RNF213: variants seen among roughly 807,000 people sequenced by gnomAD.
The protein encoded by RNF213 is E3 ubiquitin-protein ligase RNF213.
In RNF213, 341 loss-of-function variants were observed where a neutral mutation model predicts 514.4. That is an observed-to-expected ratio of 0.66 (90% CI 0.61 to 0.73). The LOEUF is 0.73. Among genes scored for constraint, RNF213 ranks in the 30% least tolerant of loss-of-function variants. The pLI, the probability that RNF213 is intolerant of heterozygous loss-of-function variation, is 0.00. For missense variants in RNF213, 5,767 were observed against 6,615.6 expected, an observed-to-expected ratio of 0.87 and a Z score of 4.45; for synonymous variants, 2,655 against 2,658.2, an observed-to-expected ratio of 1.00 and a Z score of 0.04.
At chr17:80,367,595 A>G (rs1055170375) in intron 42 of RNF213, among the ~76,000 whole-genome samples, 153 bp from the exon 43 acceptor site, 3 of 152,216 alleles carry the variant, frequency 2.0e-5, no homozygotes, top group Non-Finnish European at 4.4e-5. Flanking sequence ...TTCAGAGTTC[A>G]AGCGTTAAAC....
intron 30 of RNF213, 67 bp downstream of exon 30, chr17:80,349,973 C>T (rs540666647): frequency 1.6e-5 from 25 of 1,572,962 alleles, no homozygotes; most frequent in African/African-American, 1.3e-4. Context: ...TTCTGCGTGG[C>T]GATGGTACCC....
At chr17:80,312,001 A>C (rs1483634269) in intron 14 of RNF213, among the ~76,000 whole-genome samples, 1 of 152,074 alleles carries the variant, frequency 6.6e-6, no homozygotes, top group Non-Finnish European at 1.5e-5. Flanking sequence ...GGTGGCATGC[A>C]CTTGTAATCC....
Position 80,364,461 on chromosome 17 carries a change from G to A in RNF213, c.11779G>A (p.Ala3927Thr), listed in dbSNP as rs777402744. The part of the protein sequence containing the change: ...RAQWSRIFST[A>T]LFVEHVLLGT... ...CCAGTGGAGTCGGATTTTCTCCACCGCACTCTTCGTGGAGCACGTGCTCCT... is the reference window on the plus strand; with the variant it reads ...CCAGTGGAGTCGGATTTTCTCCACCACACTCTTCGTGGAGCACGTGCTCCT... Residue 3927 changes from alanine to threonine, a missense_variant, in exon 42 of 68, where the codon GCA becomes ACA. Physicochemically the swap from Ala to Thr is moderately conservative, Grantham distance 58. This residue lies in a region of RNF213 where 355 missense variants were observed against 358.0 expected (regional missense o/e 0.99). Transcript: ENST00000582970. 2 of 1,614,062 alleles carry A rather than the reference G, an allele frequency of 1.2e-6. No homozygotes were observed. Among genetic ancestry groups the A allele is most frequent in the Non-Finnish European group, 1.7e-6 (2 of 1,179,980 alleles).
At position 80,369,355 on chromosome 17, in the gene RNF213, G is replaced by A. The variant is rs1013661256; in HGVS notation, c.12156-147G>A. The A allele has an allele frequency of 4.9e-5, 39 of 800,972 alleles. 1 individual carries two copies. The highest frequency in any genetic ancestry group is 4.0e-4 in the South Asian group (29 of 72,740). 49.6% of individuals were successfully genotyped at this position (800,972 alleles called of 1,614,324 possible). A position where few individuals can be genotyped will look rare whatever the true frequency, so the allele number is the denominator to read the frequency against. On this transcript the variant is annotated intron_variant, in intron 44 of 67. Transcript: ENST00000582970. ...GGAGGTTGCAGTGAGCGGAGATCGCGCCACTGTACTCCAGCCTGGGCAACA... is the reference window on the plus strand; with the variant it reads ...GGAGGTTGCAGTGAGCGGAGATCGCACCACTGTACTCCAGCCTGGGCAACA...
intron 7 of RNF213, 85 bp downstream of exon 7, chr17:80,290,813 GT>G (rs377123027): frequency 7.9e-3 from 10,055 of 1,268,494 alleles, no homozygotes; most frequent in Middle Eastern, 9.6e-3. Context: ...AAAAAATTTT[GT>G]TTTTTTTTTT....
intron 15 of RNF213, among the ~76,000 whole-genome samples, chr17:80,314,035 T>TGGTGGTGGAGGTACTGGA (rs2045715620): frequency 1.7e-5 from 1 of 60,574 alleles, no homozygotes; most frequent in Non-Finnish European, 3.1e-5. Context: ...GTGGTGGTGG[T>TGGTGGTGGAGGTACTGGA]GGTGATGGTG....
intron 46 of RNF213, chr17:80,371,633 AAGAC>A (rs1158342797): frequency 5.6e-6 from 2 of 355,940 alleles, no homozygotes; most frequent in African/African-American, 4.2e-5. Context: ...CTCAATTTTT[AAGAC>A]TATAAAGGGG....
intron 3 of RNF213, among the ~76,000 whole-genome samples, chr17:80,286,693 G>A (rs1329305046): frequency 2.0e-5 from 3 of 152,146 alleles, no homozygotes; most frequent in African/African-American, 7.2e-5. Context: ...GGTGGGGGGC[G>A]TGGAGTGGGC....
intron 52 of RNF213, 115 bp from the exon 53 acceptor site, chr17:80,376,767 A>G: frequency 8.8e-7 from 1 of 1,131,202 alleles, no homozygotes; most frequent in Non-Finnish European, 1.3e-6. Context: ...CAGCTTGAGA[A>G]GTCCAGCAGA....
chr17:80,364,283 G>A, intron 41 of RNF213, 150 bp from the exon 42 acceptor site: 1 of 1,042,100 alleles, frequency 9.6e-7, no homozygotes, highest in Non-Finnish European at 1.5e-6. Flanking sequence ...GGCGGGCCAG[G>A]AAGTATGTCA....
Position 80,263,378 on chromosome 17 carries a change from C to T in RNF213, c.-108-196C>T, listed in dbSNP as rs1194019612. ...CGCCTGCCTGGAGCATCCCCTATCC[C>T]CACCCAGCCCAACCCATGTTCTCAG... On this transcript the variant is annotated intron_variant, in intron 1 of 67. Coordinates refer to ENST00000582970, the MANE Select transcript of RNF213 (RefSeq NM_001256071.3). The surrounding 1 kb of genome is among the most constrained non-coding windows in gnomAD (Gnocchi z 4.9). Among the ~76,000 whole-genome samples the T allele has an allele frequency of 6.6e-6, 1 of 152,192 alleles. No homozygotes were observed. Among genetic ancestry groups the T allele is most frequent in the Non-Finnish European group, 1.5e-5 (1 of 68,030 alleles).
intron 16 of RNF213, among the ~76,000 whole-genome samples, chr17:80,318,908 A>C (rs1218243702): frequency 6.6e-6 from 1 of 152,208 alleles, no homozygotes; most frequent in African/African-American, 2.4e-5. Flanking sequence ...TAAAGGGAAA[A>C]GTCAGAAACA....
intron 44 of RNF213, among the ~76,000 whole-genome samples, chr17:80,368,897 T>TC (rs539706707): frequency 1.3e-5 from 2 of 151,878 alleles, no homozygotes; most frequent in Admixed American, 6.6e-5. Context: ...TCCTTCCCCT[T>TC]CCCCCCTTCT....
At position 80,334,156 on chromosome 17, in the gene RNF213, G is replaced by A. The variant is rs2077916310; in HGVS notation, c.4195G>A (p.Glu1399Lys). The A allele has an allele frequency of 9.1e-6, 14 of 1,537,094 alleles. No individual in the cohort carries two copies. The highest frequency in any genetic ancestry group is 1.2e-5 in the Non-Finnish European group (14 of 1,146,910). Residue 1399 changes from glutamate to lysine, a missense_variant, in exon 22 of 68, where the codon GAG becomes AAG. Physicochemically the swap from Glu to Lys is moderately conservative, Grantham distance 56. This residue lies in a region of RNF213 where 516 missense variants were observed against 566.5 expected (regional missense o/e 0.91). Transcript: ENST00000582970. ...TGAAACACTGGACCAGATCAACCAG[G>A]AGCTCATCCAGGCCAAAAAGCTGCT... ...RRETLDQINQ[E>K]LIQAKKLLQD...
intron 10 of RNF213, among the ~76,000 whole-genome samples, 162 bp from the exon 11 acceptor site, chr17:80,298,159 A>G (rs571940882): frequency 6.6e-6 from 1 of 152,170 alleles, no homozygotes; most frequent in East Asian, 1.9e-4. Context: ...CTGGGGGCTG[A>G]GGGAAGCCCT....
chr17:80,355,933 G>A (rs1027620902), intron 36 of RNF213, among the ~76,000 whole-genome samples: 8 of 151,872 alleles, frequency 5.3e-5, no homozygotes, highest in African/African-American at 1.7e-4. Flanking sequence ...TCCTTGTCAC[G>A]CCTTCTGAAG....
intron 19 of RNF213, 140 bp downstream of exon 19, chr17:80,328,129 T>C (rs2046326221): frequency 5.1e-6 from 6 of 1,169,814 alleles, no homozygotes; most frequent in Non-Finnish European, 7.1e-6. Context: ...GCTCATAAGT[T>C]GATAGGGGTG....
chr17:80,269,805 C>G (rs540697153), intron 2 of RNF213, among the ~76,000 whole-genome samples: 1 of 152,210 alleles, frequency 6.6e-6, no homozygotes, highest in Non-Finnish European at 1.5e-5. Flanking sequence ...TGTCTACCTA[C>G]CTACCTACAT....
At chr17:80,278,748 G>A (rs1440641890) in intron 3 of RNF213, 14 of 1,537,078 alleles carry the variant, frequency 9.1e-6, no homozygotes, top group Non-Finnish European at 1.2e-5. Context: ...GTCTGAAGGG[G>A]GTCGTGTTTC....
Sources: allele counts gnomAD v4.1 joint callset (sites outside exome capture counted in the v4.1 genomes callset), GRCh38; gene constraint gnomAD v4.1.1; regional missense constraint gnomAD v4.1.1; non-coding constraint Gnocchi (gnomAD v3.1); transcripts MANE v1.5; gene names NCBI Gene and HGNC (gene_info 2026-07-23, HGNC 2026-07-21).